Variants in CPNE4 observed in about 807,000 individuals in gnomAD.
CPNE4 encodes the protein copine-4.
A neutral mutation model predicts 67.9 loss-of-function variants in CPNE4; 25 were observed. That is an observed-to-expected ratio of 0.37 (90% CI 0.27 to 0.51). The LOEUF (loss-of-function observed/expected upper bound fraction) is 0.51, where lower values mean the gene tolerates loss of function less well. CPNE4 is among the 20% of genes least tolerant of loss of function. CPNE4 has a pLI of 0.93. For missense variants in CPNE4, 464 were observed against 690.8 expected (o/e 0.67, Z 3.68); for synonymous variants, 242 against 244.9 (o/e 0.99, Z 0.11).
At chr3:131,979,262 G>A (rs983625424) in intron 1 of CPNE4, among the ~76,000 whole-genome samples, 2 of 152,126 alleles carry the variant, frequency 1.3e-5, no homozygotes, top group South Asian at 2.1e-4. Flanking sequence ...TTGATGACAT[G>A]TCTAATGCTG....
chr3:131,586,663 G>T (rs1370345223), intron 8 of CPNE4, among the ~76,000 whole-genome samples: 1 of 152,150 alleles, frequency 6.6e-6, no homozygotes, highest in Non-Finnish European at 1.5e-5. Context: ...AATTGGGCAG[G>T]TGAACAATAA....
At chr3:131,762,440 G>C (rs531529872) in intron 2 of CPNE4, among the ~76,000 whole-genome samples, 3 of 152,002 alleles carry the variant, frequency 2.0e-5, no homozygotes, top group Non-Finnish European at 2.9e-5. Context: ...GAAACTGAGG[G>C]TCATAGTGAT....
intron 6 of CPNE4, among the ~76,000 whole-genome samples, chr3:131,671,253 T>A (rs1379521256): frequency 6.6e-6 from 1 of 152,242 alleles, no homozygotes; most frequent in African/African-American, 2.4e-5. Flanking sequence ...CTTTGTCATG[T>A]GTTCTAGTAC....
intron 2 of CPNE4, among the ~76,000 whole-genome samples, chr3:131,816,999 A>T (rs2084768140): frequency 6.6e-6 from 1 of 152,204 alleles, no homozygotes; most frequent in Non-Finnish European, 1.5e-5. Context: ...TAAGACATAG[A>T]ACAGCTTTAA....
At chr3:131,683,377 A>C (rs1587677) in intron 6 of CPNE4, among the ~76,000 whole-genome samples, 48,842 of 152,046 alleles carry the variant, frequency 0.32, 8,088 homozygotes, top group African/African-American at 0.37. Flanking sequence ...CCTTCAAGGC[A>C]GTAGGCTTCC....
intron 1 of CPNE4, among the ~76,000 whole-genome samples, chr3:131,955,363 G>A (rs1242487695): frequency 7.2e-6 from 1 of 139,288 alleles, no homozygotes; most frequent in African/African-American, 2.7e-5. Flanking sequence ...TCACAAAAAA[G>A]TGTTAAGTTG....
At chr3:131,924,730 G>A (rs1380866887) in intron 1 of CPNE4, among the ~76,000 whole-genome samples, 1 of 152,114 alleles carries the variant, frequency 6.6e-6, no homozygotes, top group Non-Finnish European at 1.5e-5. Flanking sequence ...AGAAACAATG[G>A]TGACATAAAC....
At chr3:131,974,397 C>T (rs1319790301) in intron 1 of CPNE4, among the ~76,000 whole-genome samples, 2 of 152,168 alleles carry the variant, frequency 1.3e-5, no homozygotes, top group Non-Finnish European at 2.9e-5. Context: ...TGTGCACATA[C>T]ACACACCTAA....
intron 7 of CPNE4, among the ~76,000 whole-genome samples, chr3:131,631,608 C>A (rs1392899805): frequency 6.6e-6 from 1 of 152,090 alleles, no homozygotes; most frequent in Non-Finnish European, 1.5e-5. Context: ...TAACATTTTT[C>A]TTTTTCTTCA....
chr3:131,571,097 A>G (rs1451436128), intron 10 of CPNE4, among the ~76,000 whole-genome samples: 1 of 151,794 alleles, frequency 6.6e-6, no homozygotes, highest in African/African-American at 2.4e-5. Context: ...TGAAGATGAT[A>G]TACACCTACC....
intron 2 of CPNE4, among the ~76,000 whole-genome samples, chr3:131,871,275 AG>A (rs1259059207): frequency 1.3e-5 from 2 of 152,178 alleles, no homozygotes. Context: ...GTGCCCTGGA[AG>A]GTAATCTTGG....
At position 131,618,658 on chromosome 3, in the gene CPNE4, A is replaced by G. The variant is rs148729649; in HGVS notation, c.682-31076T>C. Among the ~76,000 whole-genome samples the G allele has an allele frequency of 4.6e-3, 705 of 152,258 alleles. 4 individuals carry two copies. Among genetic ancestry groups the G allele is most frequent in the African/African-American group, 0.016 (648 of 41,550 alleles). ...TTCTGATCTCCCAGAAACCTGTTCC[A>G]TTACCACTCAAGATTAGGTGTTCAA... On this transcript the variant is annotated intron_variant, in intron 7 of 15. Coordinates refer to ENST00000429747, the MANE Select transcript of CPNE4 (RefSeq NM_130808.3).
chr3:131,670,485 A>G (rs891691305), intron 6 of CPNE4, among the ~76,000 whole-genome samples: 2 of 152,224 alleles, frequency 1.3e-5, no homozygotes, highest in Non-Finnish European at 1.5e-5. Context: ...TGCCATAACT[A>G]TGGTTCAAAT....
chr3:131,814,006 G>C (rs1024867341), intron 2 of CPNE4, among the ~76,000 whole-genome samples: 2 of 152,082 alleles, frequency 1.3e-5, no homozygotes, highest in African/African-American at 4.8e-5. Flanking sequence ...CTAGGTAAAG[G>C]CATCAATTTT....
At chr3:131,847,979 A>G (rs889553928) in intron 2 of CPNE4, among the ~76,000 whole-genome samples, 1 of 152,132 alleles carries the variant, frequency 6.6e-6, no homozygotes, top group Non-Finnish European at 1.5e-5. Context: ...CTTATCTCCT[A>G]AACACTCTTC....
rs540952058 is a variant in CPNE4, at chr3:131,762,913, A to G, written c.181-39288T>C. Reference sequence around the variant, plus strand: ...TTAAAGCTTATACATGCTACGACAGAAAAAAAAAAGCCACATACACAAAAG... The same window carrying G: ...TTAAAGCTTATACATGCTACGACAGGAAAAAAAAAGCCACATACACAAAAG... On this transcript the variant is annotated intron_variant, in intron 2 of 15. Coordinates refer to ENST00000429747, the MANE Select transcript of CPNE4 (RefSeq NM_130808.3). Among the ~76,000 whole-genome samples the G allele has an allele frequency of 5.2e-5, 3 of 57,314 alleles. No homozygotes were observed. In the East Asian group the frequency reaches 1.7e-3, roughly 32 times the overall value. The allele number at this position is 57,314 out of a possible 152,430, so 37.6% of individuals were successfully genotyped here.
intron 2 of CPNE4, among the ~76,000 whole-genome samples, chr3:131,869,450 C>T (rs777661773): frequency 6.6e-6 from 1 of 152,112 alleles, no homozygotes; most frequent in Non-Finnish European, 1.5e-5. Context: ...TGAATGGCAC[C>T]TATGATGCTC....
At chr3:131,717,909 T>A (rs1406224203) in intron 3 of CPNE4, among the ~76,000 whole-genome samples, 1 of 132,502 alleles carries the variant, frequency 7.5e-6, no homozygotes, top group Non-Finnish European at 1.7e-5. Context: ...TTTCTTTCTT[T>A]CTTTCTTTCT....
intron 10 of CPNE4, among the ~76,000 whole-genome samples, chr3:131,569,386 G>C (rs1937215797): frequency 1.3e-5 from 2 of 151,998 alleles, no homozygotes; most frequent in South Asian, 4.1e-4. Flanking sequence ...TATAATCCCA[G>C]TGCTTTGGGA....
Sources: gnomAD v4.1 joint callset for allele counts (sites outside exome capture counted in the v4.1 genomes callset) on GRCh38, gnomAD v4.1.1 for gene constraint, MANE v1.5 for transcripts, NCBI Gene and HGNC (gene_info 2026-07-23, HGNC 2026-07-21) for gene names.